UHMK1: variants seen among roughly 807,000 people sequenced by gnomAD.
UHMK1 encodes serine/threonine-protein kinase Kist.
A neutral mutation model predicts 44.0 loss-of-function variants in UHMK1; 18 were observed. That is an observed-to-expected ratio of 0.41 (90% CI 0.28 to 0.61). The LOEUF is 0.61. Ranked by LOEUF, UHMK1 falls within the 20% of genes least tolerant of loss-of-function variation. The pLI is 0.31. For synonymous variants in UHMK1, 231 were observed against 198.5 expected (o/e 1.16, Z -1.38); for missense variants, 463 against 522.5 (o/e 0.89, Z 1.11).
intron 6 of UHMK1, among the ~76,000 whole-genome samples, chr1:162,514,289 G>GAA (rs745897881): frequency 0.027 from 3,530 of 132,928 alleles, 157 homozygotes; most frequent in African/African-American, 0.09. Flanking sequence ...ACCATCTCTG[G>GAA]AAAAAAAAAA....
rs765014203 is a variant in UHMK1 at position 162,501,073 on chromosome 1, T to C, written c.722T>C (p.Leu241Pro). The C allele has an allele frequency of 1.9e-6, 3 of 1,614,104 alleles. No homozygotes were observed. The highest frequency in any genetic ancestry group is 2.5e-6 in the Non-Finnish European group (3 of 1,180,014). ...ILLEMFSGMK[L>P]KHTVRSQEWK... Reference sequence around the variant, plus strand: ...CTGGAAATGTTCTCAGGAATGAAACTGAAACATACAGTCAGATCTCAGGAA... The same window carrying C: ...CTGGAAATGTTCTCAGGAATGAAACCGAAACATACAGTCAGATCTCAGGAA... Residue 241 changes from leucine to proline, a missense_variant, in exon 3 of 8, where the codon CTG (leucine) becomes CCG (proline). Transcript: ENST00000489294.
chr1:162,498,628 A>G (rs1373752955), intron 1 of UHMK1, among the ~76,000 whole-genome samples: 1 of 152,224 alleles, frequency 6.6e-6, no homozygotes, highest in African/African-American at 2.4e-5. Context: ...ATACCAGTAG[A>G]AAATGGGAAC....
At chr1:162,519,524 A>G (rs1651979942) in intron 7 of UHMK1, among the ~76,000 whole-genome samples, 1 of 152,220 alleles carries the variant, frequency 6.6e-6, no homozygotes, top group Admixed American at 6.5e-5. Context: ...TCTAGCCTCA[A>G]TATGATTAGC....
chr1:162,529,105 T>G lies in UHMK1; in HGVS notation c.*6555T>G, dbSNP rs1652355031. 6.6e-6 allele frequency: 1 copy of G among 152,146 alleles called. No individual in the cohort carries two copies. The highest frequency in any genetic ancestry group is 6.6e-5 in the Admixed American group (1 of 15,262). The allele number at this position is 152,146 out of a possible 1,614,324, so 9.4% of individuals were successfully genotyped here. The stretch of plus-strand genomic sequence containing the variant: ...GAGTAATCTCTCCTGTTGGTTTACC[T>G]TCACCTCAGAACTACAAGAATATTA... On this transcript the variant is annotated 3_prime_UTR_variant, in exon 8 of 8. Transcript: ENST00000489294.
At position 162,498,144 on chromosome 1, in the gene UHMK1, GC is replaced by G. The variant is rs753848611; in HGVS notation, c.150del (p.Gly51AlafsTer40). ...TTCGCTGCTGCGGCAACCCTGGCTC[GC>G]CCCCCGGCGCCCTCAAGCAGTTCTT... Reference protein sequence around the residue: ...RVRCCGNPGSPPGALKQFLPP... With the variant: ...RVRCCGNPGSXPGALKQFLPP... On this transcript the variant is annotated frameshift_variant, in exon 1 of 8. Transcript: ENST00000489294. LOFTEE classifies it high-confidence loss of function. The G allele has an allele frequency of 1.9e-6, 3 of 1,612,474 alleles. No individual in the cohort carries two copies. The highest frequency in any genetic ancestry group is 2.5e-6 in the Non-Finnish European group (3 of 1,179,574).
intron 4 of UHMK1, 139 bp from the exon 5 acceptor site, chr1:162,512,361 A>G: frequency 3.0e-6 from 2 of 675,870 alleles, no homozygotes; most frequent in South Asian, 4.0e-5. Flanking sequence ...TAGCATTTGT[A>G]TTTATAAGTG....
intron 4 of UHMK1, among the ~76,000 whole-genome samples, chr1:162,506,511 A>G (rs1005762907): frequency 2.0e-5 from 3 of 152,162 alleles, no homozygotes; most frequent in Non-Finnish European, 2.9e-5. Context: ...ACCAAGAAAT[A>G]AAACTTTTCC....
chr1:162,518,065 T>C (rs1201969581), intron 6 of UHMK1, 37 bp from the exon 7 acceptor site: 1 of 1,419,882 alleles, frequency 7.0e-7, no homozygotes, highest in South Asian at 1.2e-5. Context: ...TTGTTTATTA[T>C]ATCAGAGCAG....
chr1:162,508,350 G>C (rs1651549968), intron 4 of UHMK1, among the ~76,000 whole-genome samples: 1 of 151,396 alleles, frequency 6.6e-6, no homozygotes, highest in African/African-American at 2.4e-5. Flanking sequence ...GACCTCAAGT[G>C]ATCTGCTTGC....
At chr1:162,501,923 T>C (rs1195042315) in intron 3 of UHMK1, among the ~76,000 whole-genome samples, 1 of 121,220 alleles carries the variant, frequency 8.2e-6, no homozygotes, top group South Asian at 2.6e-4. Flanking sequence ...CCCCAGTCTC[T>C]AGTAAAAAAA....
intron 4 of UHMK1, among the ~76,000 whole-genome samples, chr1:162,504,967 GT>G (rs1483416777): frequency 6.6e-6 from 1 of 152,000 alleles, no homozygotes; most frequent in Non-Finnish European, 1.5e-5. Context: ...TAGAGACGGG[GT>G]TTCACCATGT....
upstream of UHMK1, chr1:162,497,445 G>A (rs112398760): frequency 2.2e-3 from 1,154 of 524,552 alleles, 4 homozygotes; most frequent in Non-Finnish European, 3.4e-3. Flanking sequence ...AAGAACAAAG[G>A]TCTAGGCTTC....
Position 162,503,760 on chromosome 1 carries a change from A to T in UHMK1, c.760A>T (p.Ser254Cys). ...CTTTTCTCCGTTTTTTAAGGCAAACAGTTCTGCTATTATTGATCACATATT... is the reference window on the plus strand; with the variant it reads ...CTTTTCTCCGTTTTTTAAGGCAAACTGTTCTGCTATTATTGATCACATATT... ...TVRSQEWKAN[S>C]SAIIDHIFAS... The change falls in exon 4 of 8, where the codon AGT becomes TGT. Residue 254 changes from serine to cysteine, a missense_variant. Ser to Cys is a moderately radical substitution (Grantham distance 112). Transcript: ENST00000489294. 6.2e-7 allele frequency: 1 copy of T among 1,613,650 alleles called. No homozygotes were observed. Among genetic ancestry groups the T allele is most frequent in the South Asian group, 1.1e-5 (1 of 90,920 alleles).
intron 6 of UHMK1, among the ~76,000 whole-genome samples, chr1:162,514,906 GAAGTTAGTGATGTTCCTGC>G (rs1215535533): frequency 6.6e-6 from 1 of 152,308 alleles, no homozygotes; most frequent in East Asian, 1.9e-4. Flanking sequence ...AAGTAGGTAG[GAAGTTAGTGATGTTCCTGC>G]ATAGTAACCA....
chr1:162,518,393 A>T (rs937827191), intron 7 of UHMK1, among the ~76,000 whole-genome samples: 60 of 147,184 alleles, frequency 4.1e-4, no homozygotes, highest in African/African-American at 1.2e-3. Context: ...AGCACTTAAA[A>T]TTTTTTTTTT....
chr1:162,519,502 T>C, intron 7 of UHMK1, among the ~76,000 whole-genome samples: 1 of 152,212 alleles, frequency 6.6e-6, no homozygotes, highest in East Asian at 1.9e-4. Context: ...CTGAGAATTC[T>C]TGAACCTGAG....
intron 4 of UHMK1, among the ~76,000 whole-genome samples, chr1:162,511,272 C>T (rs1243035230): frequency 6.8e-6 from 1 of 146,890 alleles, no homozygotes; most frequent in Non-Finnish European, 1.5e-5. Flanking sequence ...CTCACTGCAG[C>T]CTTGAATTCA....
intron 3 of UHMK1, among the ~76,000 whole-genome samples, chr1:162,502,924 A>G (rs189453256): frequency 1.4e-5 from 2 of 145,320 alleles, no homozygotes; most frequent in Admixed American, 7.1e-5. Context: ...TAAGTATTTA[A>G]TAAATTTTAC....
At position 162,498,048 on chromosome 1, in the gene UHMK1, G is replaced by A. The variant is rs1334263840; in HGVS notation, c.48G>A (p.Leu16=). The change falls in exon 1 of 8, where the codon CTG becomes CTA. Residue 16 remains leucine (L), a synonymous_variant. Transcript: ENST00000489294. ...GGGGCGCGGAGCCGCCGCGTTTTCT[G>A]GAGGCCTTCGGGCGGCTGTGGCAGG... ...CAWGAEPPRF[L]EAFGRLWQVQ... is the part of the protein sequence containing the mutation. The A allele has an allele frequency of 1.2e-6, 2 of 1,602,906 alleles. No individual in the cohort carries two copies. Among genetic ancestry groups the A allele is most frequent in the South Asian group, 1.1e-5 (1 of 90,254 alleles).
Sources: allele counts gnomAD v4.1 joint callset (sites outside exome capture counted in the v4.1 genomes callset), GRCh38; gene constraint gnomAD v4.1.1; transcripts MANE v1.5; gene names NCBI Gene and HGNC (gene_info 2026-07-23, HGNC 2026-07-21).